Variants in TENM3 observed in about 807,000 individuals in gnomAD.
TENM3 encodes teneurin transmembrane protein 3.
A neutral mutation model predicts 255.1 loss-of-function variants in TENM3; 63 were observed. That is an observed-to-expected ratio of 0.25 (90% CI 0.20 to 0.30). The LOEUF (loss-of-function observed/expected upper bound fraction) is 0.30, where lower values mean the gene tolerates loss of function less well. Among genes scored for constraint, TENM3 ranks in the 10% least tolerant of loss-of-function variants. The probability of loss-of-function intolerance (pLI) is 1.00; values close to 1 mark genes in which losing one functional copy is unlikely to be tolerated. For missense variants in TENM3, 2,929 were observed against 3,461.1 expected, an observed-to-expected ratio of 0.85 and a Z score of 3.86; for synonymous variants, 1,306 against 1,322.3, an observed-to-expected ratio of 0.99 and a Z score of 0.27.
the TENM3 span, among the ~76,000 whole-genome samples, chr4:181,539,035 G>T: frequency 1.3e-5 from 2 of 152,252 alleles, no homozygotes; most frequent in Non-Finnish European, 2.9e-5. Context: ...CCCATATATA[G>T]GCTAAAATCC....
At chr4:182,788,370 A>G (rs1579516065) in intron 24 of TENM3, among the ~76,000 whole-genome samples, 1 of 152,354 alleles carries the variant, frequency 6.6e-6, no homozygotes, top group East Asian at 1.9e-4. Flanking sequence ...AGACGGTAAC[A>G]GCCAGATTTA....
chr4:182,472,820 A>G (rs1212579248), intron 3 of TENM3, among the ~76,000 whole-genome samples: 2 of 152,124 alleles, frequency 1.3e-5, no homozygotes, highest in African/African-American at 2.4e-5. Flanking sequence ...GGATCAAGCT[A>G]TCCTCTCACC....
At chr4:182,418,191 A>G (rs1166487538) in intron 3 of TENM3, among the ~76,000 whole-genome samples, 2 of 152,228 alleles carry the variant, frequency 1.3e-5, no homozygotes, top group South Asian at 2.1e-4. Flanking sequence ...CAATTCGAAT[A>G]TATTGCAGGT....
At chr4:182,597,614 CTA>C (rs1747392531) in intron 3 of TENM3, among the ~76,000 whole-genome samples, 1 of 152,162 alleles carries the variant, frequency 6.6e-6, no homozygotes, top group Non-Finnish European at 1.5e-5. Flanking sequence ...ATGTATAGTA[CTA>C]TACAGTAGGT....
chr4:181,680,921 G>A, the TENM3 span, among the ~76,000 whole-genome samples: 3 of 152,178 alleles, frequency 2.0e-5, no homozygotes, highest in South Asian at 6.2e-4. Context: ...CACATGCAGA[G>A]AGCCTATAGA....
intron 3 of TENM3, among the ~76,000 whole-genome samples, chr4:182,532,567 A>T (rs1195258430): frequency 6.6e-6 from 1 of 152,216 alleles, no homozygotes; most frequent in Non-Finnish European, 1.5e-5. Flanking sequence ...ACTGAGCTTG[A>T]TTAGTTGATG....
chr4:181,710,912 G>T, the TENM3 span, among the ~76,000 whole-genome samples: 1 of 151,350 alleles, frequency 6.6e-6, no homozygotes, highest in Non-Finnish European at 1.5e-5. Context: ...AGAGAAATGA[G>T]GTAGTAGCTG....
intron 3 of TENM3, among the ~76,000 whole-genome samples, chr4:182,355,710 G>A (rs1428153985): frequency 1.3e-5 from 2 of 152,106 alleles, no homozygotes; most frequent in Non-Finnish European, 2.9e-5. Flanking sequence ...ATCAAGATTT[G>A]ATGATTAATT....
chr4:182,476,373 C>T (rs1420586169), intron 3 of TENM3, among the ~76,000 whole-genome samples: 1 of 152,182 alleles, frequency 6.6e-6, no homozygotes, highest in East Asian at 1.9e-4. Context: ...AGAAGAAAAA[C>T]CTGATAGCAT....
At chr4:181,839,376 TATATATATACAC>T in the TENM3 span, among the ~76,000 whole-genome samples, 1 of 50,200 alleles carries the variant, frequency 2.0e-5, no homozygotes, top group African/African-American at 6.2e-5. Flanking sequence ...TATATATATA[TATATATATACAC>T]CTATATACAT....
the TENM3 span, among the ~76,000 whole-genome samples, chr4:181,632,234 G>C: frequency 6.6e-6 from 1 of 152,104 alleles, no homozygotes; most frequent in African/African-American, 2.4e-5. Flanking sequence ...GAGTGGAGTG[G>C]GGAAGTGCCA....
the TENM3 span, among the ~76,000 whole-genome samples, chr4:182,109,267 T>A: frequency 6.7e-6 from 1 of 148,818 alleles, no homozygotes; most frequent in Non-Finnish European, 1.5e-5. Flanking sequence ...ATTCATATTA[T>A]AATTATGTCA....
chr4:182,068,390 AC>A, the TENM3 span, among the ~76,000 whole-genome samples: 38,354 of 150,310 alleles, frequency 0.26, 4,999 homozygotes, highest in East Asian at 0.29. Context: ...AGTTAAAAAA[AC>A]AAATGCTACC....
At chr4:181,911,791 T>C in the TENM3 span, among the ~76,000 whole-genome samples, 1 of 152,194 alleles carries the variant, frequency 6.6e-6, no homozygotes, top group South Asian at 2.1e-4. Context: ...AACCAGGATA[T>C]AACATGATAT....
At chr4:182,784,568 G>C (rs942608184) in intron 24 of TENM3, among the ~76,000 whole-genome samples, 1 of 152,116 alleles carries the variant, frequency 6.6e-6, no homozygotes, top group South Asian at 2.1e-4. Flanking sequence ...TCCTTGAGCT[G>C]TGGTGGGCTC....
At chr4:181,781,391 A>G in the TENM3 span, among the ~76,000 whole-genome samples, 1 of 152,140 alleles carries the variant, frequency 6.6e-6, no homozygotes, top group African/African-American at 2.4e-5. Context: ...ACAATTGTGA[A>G]TGGGAATTCA....
At chr4:181,636,140 G>A in the TENM3 span, among the ~76,000 whole-genome samples, 1 of 152,072 alleles carries the variant, frequency 6.6e-6, no homozygotes, top group Admixed American at 6.6e-5. Flanking sequence ...CCACATCCCA[G>A]ATTCAGGCGA....
At chr4:181,814,100 A>G in the TENM3 span, among the ~76,000 whole-genome samples, 2 of 152,200 alleles carry the variant, frequency 1.3e-5, no homozygotes, top group Non-Finnish European at 2.9e-5. Context: ...TAAAGGCTTT[A>G]GAGAAGGTTA....
the TENM3 span, among the ~76,000 whole-genome samples, chr4:181,804,361 G>C: frequency 6.6e-6 from 1 of 152,172 alleles, no homozygotes; most frequent in African/African-American, 2.4e-5. Flanking sequence ...AACTTTAGTG[G>C]ATGTTTGCAG....
Sources: gnomAD v4.1 joint callset for allele counts (sites outside exome capture counted in the v4.1 genomes callset) on GRCh38, gnomAD v4.1.1 for gene constraint, MANE v1.5 for transcripts, NCBI Gene and HGNC (gene_info 2026-07-23, HGNC 2026-07-21) for gene names.